The following TFF3 variants were observed in gnomAD, a reference collection of about 807,000 sequenced individuals.
TFF3 encodes polypeptide P1.B.
Under a neutral mutation model 9.7 loss-of-function variants are expected in TFF3, and 6 were observed. The observed-to-expected ratio is 0.62, with a 90% CI of 0.34 to 1.22. The LOEUF (loss-of-function observed/expected upper bound fraction) is 1.22, where lower values mean the gene tolerates loss of function less well. Ranked by LOEUF, TFF3 falls within the 50% of genes most tolerant of loss-of-function variation. The pLI, the probability that TFF3 is intolerant of heterozygous loss-of-function variation, is 0.04. For synonymous variants in TFF3, 48 were observed against 41.4 expected (o/e 1.16, Z -0.61); for missense variants, 93 against 98.6 (o/e 0.94, Z 0.24).
In TFF3 at chr21:42,312,086, G is replaced by A. The variant is rs1025662836; in HGVS notation, c.*170C>T. 2.3e-6 allele frequency: 2 copies of A among 874,152 alleles called. No homozygotes were observed. The allele number at this position is 874,152 out of a possible 1,614,324, so 54.1% of individuals were successfully genotyped here. On this transcript the variant is annotated 3_prime_UTR_variant, in exon 3 of 3. Coordinates refer to ENST00000518498, the MANE Select transcript of TFF3 (RefSeq NM_003226.4). Reference sequence around the variant, plus strand: ...GAAGAACTGTCCTCGGGTGGAGCATGGGACCTTTATTCGTTAAGACATCAG... The same window carrying A: ...GAAGAACTGTCCTCGGGTGGAGCATAGGACCTTTATTCGTTAAGACATCAG...
In TFF3 at chr21:42,312,202, G is replaced by A. The variant is rs145732362; in HGVS notation, c.*54C>T. 1,121 of 1,612,550 alleles carry A rather than the reference G, an allele frequency of 7.0e-4. 12 individuals carry two copies. The African/African-American group carries it at 7.8e-3, about 11-fold the overall frequency. On this transcript the variant is annotated 3_prime_UTR_variant, in exon 3 of 3. Transcript: ENST00000518498. ...ACAGTGCCTGGCAGCAATCACAGCC[G>A]GGCAAGGGTGCTCCGAGCCTCGCAT...
chr21:42,313,583 T>C lies in TFF3; in HGVS notation c.131A>G (p.Tyr44Cys). Residue 44 changes from tyrosine to cysteine, a missense_variant, in exon 2 of 3, where the codon TAC (tyrosine) becomes TGC (cysteine). Tyr to Cys is a radical substitution (Grantham distance 194). Transcript: ENST00000518498. The surrounding 1 kb of genome is among the most constrained non-coding windows in gnomAD (Gnocchi z 4.0). ...VPAKDRVDCGYPHVTPKECNN... is the reference protein window; with the variant it reads ...VPAKDRVDCGCPHVTPKECNN... ...GCACTCCTTGGGGGTGACATGGGGG[T>C]AGCCGCAGTCCACCCTGTCCTTGGC... The C allele has an allele frequency of 6.2e-7, 1 of 1,611,128 alleles. No individual in the cohort carries two copies. The highest frequency in any genetic ancestry group is 8.5e-7 in the Non-Finnish European group (1 of 1,179,572).
chr21:42,315,177 G>A, intron 1 of TFF3, 116 bp downstream of exon 1: 2 of 1,371,984 alleles, frequency 1.5e-6, no homozygotes, highest in South Asian at 2.9e-5. Context: ...GCTAGCGCAG[G>A]AAAAAGTGTA....
Position 42,313,664 on chromosome 21 carries a change from G to T in TFF3, c.83-33C>A. 1 of 1,588,326 alleles carries T rather than the reference G, an allele frequency of 6.3e-7. No individual in the cohort carries two copies. The highest frequency in any genetic ancestry group is 1.7e-5 in the Admixed American group (1 of 57,154). On this transcript the variant is annotated intron_variant, in intron 1 of 2. Coordinates refer to ENST00000518498, the MANE Select transcript of TFF3 (RefSeq NM_003226.4). The surrounding 1 kb of genome is among the most constrained non-coding windows in gnomAD (Gnocchi z 4.0). ...AGACAAAGCCCTGTCAGCTGCCAGA[G>T]CCCTTGCTGGGCTGCGGTGAGTGTG... is the stretch of plus-strand genomic sequence containing the variant.
At chr21:42,312,783 C>T (rs186264012) in intron 2 of TFF3, among the ~76,000 whole-genome samples, 7 of 152,142 alleles carry the variant, frequency 4.6e-5, no homozygotes, top group Non-Finnish European at 8.8e-5. Context: ...AGGTACCTCA[C>T]GCAGGTGCGG....
intron 2 of TFF3, among the ~76,000 whole-genome samples, chr21:42,312,539 C>T (rs1228736625): frequency 6.6e-6 from 1 of 152,112 alleles, no homozygotes; most frequent in African/African-American, 2.4e-5. Flanking sequence ...AGTGTAGTTC[C>T]AGTGGAGCTG....
Position 42,315,302 on chromosome 21 carries a change from C to T in TFF3, c.73G>A (p.Val25Met), listed in dbSNP as rs774581095. The change falls in exon 1 of 3, where the codon GTG becomes ATG. Residue 25 changes from valine to methionine, a missense_variant. Coordinates refer to ENST00000518498, the MANE Select transcript of TFF3 (RefSeq NM_003226.4). ...TCAGGGCAGTACTCACACAGGCCCACGTACTCCTCAGCAGAGCTGGAGGAC... is the reference window on the plus strand; with the variant it reads ...TCAGGGCAGTACTCACACAGGCCCATGTACTCCTCAGCAGAGCTGGAGGAC... Reference protein sequence around the residue: ...LLSSSSAEEYVGLSANQCAVP... With the variant: ...LLSSSSAEEYMGLSANQCAVP... 99 of 1,613,472 alleles carry T rather than the reference C, an allele frequency of 6.1e-5. 1 individual carries two copies. The South Asian group carries it at 9.1e-4, about 15-fold the overall frequency.
rs773282801 is a variant in TFF3, at chr21:42,313,450, G to T, written c.229+35C>A. ...GCCCTGAGACCCCCTGCCTTATGGG[G>T]CTGGGCCCAGACCACGATGCCACTG... On this transcript the variant is annotated intron_variant, in intron 2 of 2. Coordinates refer to ENST00000518498, the MANE Select transcript of TFF3 (RefSeq NM_003226.4). The surrounding 1 kb of genome is among the most constrained non-coding windows in gnomAD (Gnocchi z 4.0). 1 of 1,585,872 alleles carries T rather than the reference G, an allele frequency of 6.3e-7. No individual in the cohort carries two copies. Among genetic ancestry groups the T allele is most frequent in the Non-Finnish European group, 8.6e-7 (1 of 1,166,548 alleles).
chr21:42,314,382 G>A (rs1209658962), intron 1 of TFF3, among the ~76,000 whole-genome samples: 1 of 152,198 alleles, frequency 6.6e-6, no homozygotes, highest in Non-Finnish European at 1.5e-5. Context: ...GGCTGGGCAT[G>A]GTGGCTTACA....
chr21:42,312,412 T>A (rs1215761855), intron 2 of TFF3, 143 bp from the exon 3 acceptor site: 2 of 970,176 alleles, frequency 2.1e-6, no homozygotes, highest in Non-Finnish European at 3.0e-6. Flanking sequence ...CCCCACCACA[T>A]GGGGGAATAG....
chr21:42,312,204 G>T lies in TFF3; in HGVS notation c.*52C>A, dbSNP rs749698961. On this transcript the variant is annotated 3_prime_UTR_variant, in exon 3 of 3. Transcript: ENST00000518498. ...AGTGCCTGGCAGCAATCACAGCCGG[G>T]CAAGGGTGCTCCGAGCCTCGCATCC... The T allele has an allele frequency of 9.3e-6, 15 of 1,613,300 alleles. No individual in the cohort carries two copies. The East Asian group carries it at 3.3e-4, about 36-fold the overall frequency.
In TFF3 at chr21:42,313,607, G is replaced by C; in HGVS notation, c.107C>G (p.Ala36Gly). 3 of 1,610,450 alleles carry C rather than the reference G, an allele frequency of 1.9e-6. No individual in the cohort carries two copies. The highest frequency in any genetic ancestry group is 2.5e-6 in the Non-Finnish European group (3 of 1,179,220). Residue 36 changes from alanine to glycine, a missense_variant, in exon 2 of 3, where the codon GCC becomes GGC. Ala to Gly is a moderately conservative substitution (Grantham distance 60, BLOSUM62 0). Coordinates refer to ENST00000518498, the MANE Select transcript of TFF3 (RefSeq NM_003226.4). The surrounding 1 kb of genome is among the most constrained non-coding windows in gnomAD (Gnocchi z 4.0). Reference protein sequence around the residue: ...GLSANQCAVPAKDRVDCGYPH... With the variant: ...GLSANQCAVPGKDRVDCGYPH... ...GTAGCCGCAGTCCACCCTGTCCTTG[G>C]CTGGCACGGCACACTGGTTTGCAGC...
chr21:42,312,301 T>C (rs111974681), intron 2 of TFF3, 32 bp from the exon 3 acceptor site: 6 of 1,577,466 alleles, frequency 3.8e-6, no homozygotes, highest in Non-Finnish European at 4.3e-6. Context: ...GTGTGAGCAG[T>C]CTCTCTCCAC....
At position 42,311,887 on chromosome 21, in the gene TFF3, G is replaced by C. The variant is rs2069332684; in HGVS notation, c.*369C>G. The stretch of plus-strand genomic sequence containing the variant: ...GGAAGCGGCACTTACAGTGTTCCTA[G>C]GCTTTCCTGTGACGTGGGTGCCAGT... On this transcript the variant is annotated 3_prime_UTR_variant, in exon 3 of 3. Transcript: ENST00000518498. 2.2e-6 allele frequency: 1 copy of C among 452,830 alleles called. No homozygotes were observed. Among genetic ancestry groups the C allele is most frequent in the Non-Finnish European group, 4.0e-6 (1 of 248,098 alleles). 28.1% of individuals were successfully genotyped at this position (452,830 alleles called of 1,614,324 possible).
chr21:42,315,185 G>A (rs2069351547), intron 1 of TFF3, 108 bp downstream of exon 1: 1 of 1,403,232 alleles, frequency 7.1e-7, no homozygotes, highest in South Asian at 1.4e-5. Flanking sequence ...AGGAAAAAGT[G>A]TATATGTGAC....
chr21:42,314,852 C>T (rs1160963040), intron 1 of TFF3, among the ~76,000 whole-genome samples: 1 of 152,216 alleles, frequency 6.6e-6, no homozygotes, highest in Non-Finnish European at 1.5e-5. Flanking sequence ...ATGGAGCAGC[C>T]ACACCCCATG....
rs1463839161 is a variant in TFF3 at position 42,313,568 on chromosome 21, G to A, written c.146C>T (p.Pro49Leu). ...GCAGCCCCGGTTGTTGCACTCCTTG[G>A]GGGTGACATGGGGGTAGCCGCAGTC... Reference protein sequence around the residue: ...RVDCGYPHVTPKECNNRGCCF... With the variant: ...RVDCGYPHVTLKECNNRGCCF... The change falls in exon 2 of 3, where the codon CCC becomes CTC. Residue 49 changes from proline (P) to leucine (L), a missense_variant. Pro to Leu is a moderately conservative substitution (Grantham distance 98). Coordinates refer to ENST00000518498, the MANE Select transcript of TFF3 (RefSeq NM_003226.4). The surrounding 1 kb of genome is among the most constrained non-coding windows in gnomAD (Gnocchi z 4.0). The A allele has an allele frequency of 1.2e-6, 2 of 1,611,286 alleles. No individual in the cohort carries two copies. Among genetic ancestry groups the A allele is most frequent in the East Asian group, 2.2e-5 (1 of 44,798 alleles).
chr21:42,312,373 C>T, intron 2 of TFF3, 104 bp from the exon 3 acceptor site: 3 of 1,372,460 alleles, frequency 2.2e-6, no homozygotes, highest in Non-Finnish European at 3.0e-6. Flanking sequence ...GTGCTGCCTC[C>T]TCCCCAGAGT....
chr21:42,314,431 A>G (rs901974894), intron 1 of TFF3, among the ~76,000 whole-genome samples: 3 of 152,128 alleles, frequency 2.0e-5, no homozygotes, highest in African/African-American at 7.2e-5. Flanking sequence ...AGGCAGGAGG[A>G]TCACTTGAGG....
Sources: gnomAD v4.1 joint callset for allele counts (sites outside exome capture counted in the v4.1 genomes callset) on GRCh38, gnomAD v4.1.1 for gene constraint, Gnocchi (gnomAD v3.1) non-coding constraint, MANE v1.5 for transcripts, NCBI Gene and HGNC (gene_info 2026-07-23, HGNC 2026-07-21) for gene names.